The following GARIN1A variants were observed in gnomAD, a reference collection of about 807,000 sequenced individuals.
GARIN1A encodes golgi associated RAB2 interactor 1A, also known as Golgi-associated RAB2 interactor protein 1A.
the GARIN1A span, among the ~76,000 whole-genome samples, chr7:128,703,511 C>A: frequency 6.6e-6 from 1 of 152,194 alleles, no homozygotes; most frequent in African/African-American, 2.4e-5. Context: ...ATGTACAGGG[C>A]AGGGCACAGT....
chr7:128,674,692 A>G, the GARIN1A span, among the ~76,000 whole-genome samples: 3 of 151,996 alleles, frequency 2.0e-5, no homozygotes, highest in African/African-American at 7.3e-5. Context: ...CTTTTCTGGG[A>G]ACACCATCTG....
the GARIN1A span, among the ~76,000 whole-genome samples, chr7:128,678,395 CAGTT>C: frequency 1.1e-4 from 16 of 152,268 alleles, no homozygotes; most frequent in East Asian, 1.3e-3. Context: ...ATTATATTCT[CAGTT>C]AGGTTTTTAG....
chr7:128,708,814 T>A, the GARIN1A span, among the ~76,000 whole-genome samples: 24 of 152,096 alleles, frequency 1.6e-4, no homozygotes, highest in Non-Finnish European at 2.5e-4. Context: ...GCAAGGGGAG[T>A]CATTCTGTGA....
chr7:128,680,564 CTTTTTATTTTT>C, the GARIN1A span, among the ~76,000 whole-genome samples: 1 of 113,760 alleles, frequency 8.8e-6, no homozygotes, highest in Non-Finnish European at 1.9e-5. Flanking sequence ...TTCTTTCTTT[CTTTTTATTTTT>C]TTTTTGGAGA....
the GARIN1A span, among the ~76,000 whole-genome samples, chr7:128,675,100 A>G: frequency 6.6e-6 from 1 of 152,078 alleles, no homozygotes; most frequent in Non-Finnish European, 1.5e-5. Flanking sequence ...TAGCTGAGAC[A>G]CAGTGCCCAG....
the GARIN1A span, chr7:128,687,361 T>C: frequency 3.9e-5 from 6 of 152,206 alleles, no homozygotes; most frequent in African/African-American, 1.2e-4. Flanking sequence ...AAGGAATTCA[T>C]TGGACGGATG....
At chr7:128,672,323 A>G in the GARIN1A span, 5 of 1,331,976 alleles carry the variant, frequency 3.8e-6, no homozygotes, top group South Asian at 5.5e-5. Context: ...GGCAGATCAC[A>G]TCAACATCCT....
the GARIN1A span, among the ~76,000 whole-genome samples, chr7:128,688,370 C>T: frequency 7.9e-5 from 12 of 152,148 alleles, no homozygotes; most frequent in East Asian, 3.8e-4. Flanking sequence ...TAAATATAAA[C>T]GCCACAAGCA....
chr7:128,692,109 G>C, the GARIN1A span, among the ~76,000 whole-genome samples: 1 of 152,152 alleles, frequency 6.6e-6, no homozygotes, highest in East Asian at 1.9e-4. Flanking sequence ...CTCCCCAATA[G>C]TCTTCCAATA....
At chr7:128,703,295 A>G in the GARIN1A span, among the ~76,000 whole-genome samples, 3 of 152,262 alleles carry the variant, frequency 2.0e-5, no homozygotes, top group South Asian at 6.2e-4. Context: ...ATTTTGGGCC[A>G]TAAAATAAAC....
At chr7:128,678,593 C>T in the GARIN1A span, among the ~76,000 whole-genome samples, 2 of 152,180 alleles carry the variant, frequency 1.3e-5, no homozygotes, top group South Asian at 4.2e-4. Context: ...CACCTCAGGT[C>T]AGGAGTTCGA....
chr7:128,707,787 C>T, the GARIN1A span, among the ~76,000 whole-genome samples: 1 of 152,158 alleles, frequency 6.6e-6, no homozygotes, highest in African/African-American at 2.4e-5. Flanking sequence ...TGACATCATA[C>T]AGTATTTGTC....
At chr7:128,672,548 C>T in the GARIN1A span, 6 of 1,605,886 alleles carry the variant, frequency 3.7e-6, 1 homozygote, top group East Asian at 6.7e-5. Context: ...CAACTTTATC[C>T]AGGTACCCTC....
the GARIN1A span, among the ~76,000 whole-genome samples, chr7:128,676,893 C>A: frequency 7.4e-4 from 112 of 152,090 alleles, no homozygotes; most frequent in Non-Finnish European, 1.2e-3. Context: ...CTTATCTTGG[C>A]AGGGCACAGT....
chr7:128,672,700 G>A, the GARIN1A span: 1 of 698,954 alleles, frequency 1.4e-6, no homozygotes. Flanking sequence ...AAACCAGAAG[G>A]TCTGGGTCCC....
At chr7:128,699,435 T>G in the GARIN1A span, among the ~76,000 whole-genome samples, 1 of 152,216 alleles carries the variant, frequency 6.6e-6, no homozygotes, top group East Asian at 1.9e-4. Context: ...TCTAGGCTAC[T>G]CCTGTCATGC....
At chr7:128,695,536 T>C in the GARIN1A span, among the ~76,000 whole-genome samples, 2 of 152,266 alleles carry the variant, frequency 1.3e-5, no homozygotes, top group South Asian at 4.2e-4. The surrounding 1 kb of genome is among the most constrained non-coding windows in gnomAD (Gnocchi z 4.5). Flanking sequence ...ATTTTTAAAT[T>C]TTATTTTTAT....
the GARIN1A span, chr7:128,672,523 G>C: frequency 4.3e-6 from 7 of 1,610,134 alleles, no homozygotes; most frequent in Non-Finnish European, 5.1e-6. Context: ...TCTCCAACTC[G>C]GTGGTGTTTG....
chr7:128,677,464 GC>G, the GARIN1A span: 55 of 1,285,416 alleles, frequency 4.3e-5, no homozygotes, highest in Middle Eastern at 2.9e-4. Flanking sequence ...CCGAGATCGC[GC>G]CACTGCACTC....
Sources: gnomAD v4.1 joint callset for allele counts (sites outside exome capture counted in the v4.1 genomes callset) on GRCh38, gnomAD v4.1.1 for gene constraint, Gnocchi (gnomAD v3.1) non-coding constraint, MANE v1.5 for transcripts, NCBI Gene and HGNC (gene_info 2026-07-23, HGNC 2026-07-21) for gene names.